The following ICA1 variants were observed in gnomAD, a reference collection of about 807,000 sequenced individuals.
ICA1 encodes islet cell autoantigen 1, also known as 69 kDa islet cell autoantigen.
In ICA1, 40 loss-of-function variants were observed where a neutral mutation model predicts 71.0. The observed-to-expected ratio is 0.56, with a 90% CI of 0.44 to 0.73. The LOEUF (loss-of-function observed/expected upper bound fraction) is 0.73. Ranked by LOEUF, ICA1 falls within the 30% of genes least tolerant of loss-of-function variation. The pLI is 0.00. For missense variants in ICA1, 578 were observed against 576.5 expected (o/e 1.00, Z -0.03); for synonymous variants, 207 against 209.5 (o/e 0.99, Z 0.10).
chr7:8,165,127 T>A lies in ICA1; in HGVS notation c.580-6475A>T, dbSNP rs567604646. Among the ~76,000 whole-genome samples the A allele has an allele frequency of 1.6e-4, 24 of 152,286 alleles. No individual in the cohort carries two copies. The South Asian group carries it at 4.8e-3, about 30-fold the overall frequency. ...CCAAAACAGAAGGTCAGATATTTATTTGGCTTCATTAAAAGAGGATCTTTT... is the reference window on the plus strand; with the variant it reads ...CCAAAACAGAAGGTCAGATATTTATATGGCTTCATTAAAAGAGGATCTTTT... On this transcript the variant is annotated intron_variant, in intron 6 of 13. Transcript: ENST00000402384.
At chr7:8,153,943 A>G (rs1800590148) in intron 8 of ICA1, among the ~76,000 whole-genome samples, 1 of 151,306 alleles carries the variant, frequency 6.6e-6, no homozygotes, top group African/African-American at 2.4e-5. Flanking sequence ...GAAACCACTT[A>G]GAAGATAGTT....
At chr7:8,236,420 A>C (rs1055633774) in intron 1 of ICA1, among the ~76,000 whole-genome samples, 2 of 152,188 alleles carry the variant, frequency 1.3e-5, no homozygotes, top group Non-Finnish European at 2.9e-5. Context: ...ATGTGATGTG[A>C]GAGAGATATA....
At chr7:8,156,771 C>T in intron 8 of ICA1, 1 of 1,431,966 alleles carries the variant, frequency 7.0e-7, no homozygotes, top group Non-Finnish European at 9.2e-7. Context: ...ACAATCTCCC[C>T]TTTAGCAATG....
rs780935406 is a variant in ICA1, at chr7:8,113,934, G to A, written c.1441C>T (p.Leu481Phe). The A allele has an allele frequency of 1.2e-6, 2 of 1,614,180 alleles. No homozygotes were observed. The highest frequency in any genetic ancestry group is 1.1e-5 in the South Asian group (1 of 91,088). The change falls in exon 14 of 14, where the codon CTC becomes TTC. Residue 481 changes from leucine to phenylalanine, a missense_variant. Transcript: ENST00000402384. The surrounding 1 kb of genome is among the most constrained non-coding windows in gnomAD (Gnocchi z 4.2). ...VGKTDKEHEL[L>F]NA is the part of the protein sequence containing the mutation. The stretch of plus-strand genomic sequence containing the variant: ...CGAAGGGTACAGATTCATGCATTGA[G>A]CAATTCGTGTTCTTTATCGGTTTTC...
chr7:8,166,279 C>T (rs1490599683), intron 6 of ICA1, among the ~76,000 whole-genome samples: 1 of 152,002 alleles, frequency 6.6e-6, no homozygotes, highest in African/African-American at 2.4e-5. Context: ...AAGCATGGAA[C>T]GGGTACAAAA....
intron 8 of ICA1, among the ~76,000 whole-genome samples, chr7:8,149,377 A>G (rs1798067934): frequency 3.9e-5 from 6 of 152,264 alleles, no homozygotes; most frequent in Admixed American, 3.9e-4. Context: ...TTCTCTGTTA[A>G]GGCTGCACTA....
chr7:8,226,978 T>A lies in ICA1; in HGVS notation c.256+1623A>T, dbSNP rs964460689. Among the ~76,000 whole-genome samples the A allele has an allele frequency of 6.6e-6, 1 of 152,238 alleles. No homozygotes were observed. Among genetic ancestry groups the A allele is most frequent in the Non-Finnish European group, 1.5e-5 (1 of 68,042 alleles). The stretch of plus-strand genomic sequence containing the variant: ...ACTATTTACAGGAAATATGCAAGCA[T>A]CCTTCTTTTCTTCCCTTGTTACAAT... On this transcript the variant is annotated intron_variant, in intron 4 of 13. Transcript: ENST00000402384. The surrounding 1 kb of genome is among the most constrained non-coding windows in gnomAD (Gnocchi z 4.4).
intron 8 of ICA1, among the ~76,000 whole-genome samples, chr7:8,153,501 T>A (rs1275057092): frequency 1.3e-5 from 2 of 152,118 alleles, no homozygotes; most frequent in Non-Finnish European, 2.9e-5. Context: ...GAGGTCTTTT[T>A]TTTTCCCCCT....
intron 6 of ICA1, among the ~76,000 whole-genome samples, chr7:8,204,098 G>A (rs1412388496): frequency 6.6e-6 from 1 of 152,166 alleles, no homozygotes; most frequent in Non-Finnish European, 1.5e-5. Context: ...CTCCTTAAGG[G>A]TGCTTGGAAC....
intron 13 of ICA1, among the ~76,000 whole-genome samples, chr7:8,127,524 T>C (rs976212735): frequency 5.3e-5 from 8 of 152,082 alleles, no homozygotes; most frequent in African/African-American, 1.7e-4. Flanking sequence ...GGCATGCTTA[T>C]GGGAACGTGG....
chr7:8,158,388 G>A, intron 7 of ICA1, 139 bp downstream of exon 7: 1 of 1,000,874 alleles, frequency 1.0e-6, no homozygotes, highest in Non-Finnish European at 1.5e-6. Context: ...CTAGAAGGCA[G>A]AGATGTGGGA....
intron 6 of ICA1, among the ~76,000 whole-genome samples, chr7:8,184,239 A>T (rs1427729146): frequency 2.6e-5 from 4 of 152,320 alleles, no homozygotes; most frequent in Non-Finnish European, 2.9e-5. Context: ...CCTATGGAAA[A>T]TGCCCCTCTC....
At position 8,234,485 on chromosome 7, in the gene ICA1, G is replaced by A. The variant is rs1353998507; in HGVS notation, c.17+1425C>T. 1.4e-5 allele frequency among the ~76,000 whole-genome samples: 2 copies of A among 145,882 alleles called. No homozygotes were observed. Among genetic ancestry groups the A allele is most frequent in the Non-Finnish European group, 3.1e-5 (2 of 65,428 alleles). On this transcript the variant is annotated intron_variant, in intron 2 of 13. Transcript: ENST00000402384. The surrounding 1 kb of genome is among the most constrained non-coding windows in gnomAD (Gnocchi z 4.5). The stretch of plus-strand genomic sequence containing the variant: ...ACCACCCAAAATGTGCCAGGCTTGT[G>A]CTGAAACGTGAGTTTGTTTATATGA...
chr7:8,170,636 T>G (rs1161811271), intron 6 of ICA1, among the ~76,000 whole-genome samples: 1 of 152,026 alleles, frequency 6.6e-6, no homozygotes, highest in Non-Finnish European at 1.5e-5. Context: ...ACTAGAAATA[T>G]AATTAATTTT....
At chr7:8,189,996 G>A (rs1460205801) in intron 6 of ICA1, among the ~76,000 whole-genome samples, 2 of 152,182 alleles carry the variant, frequency 1.3e-5, no homozygotes, top group African/African-American at 2.4e-5. Context: ...TTGGAGGGAC[G>A]GGCTCAGGAG....
At chr7:8,134,531 T>C (rs1792655862) in intron 12 of ICA1, among the ~76,000 whole-genome samples, 1 of 152,176 alleles carries the variant, frequency 6.6e-6, no homozygotes, top group Non-Finnish European at 1.5e-5. Context: ...ACTCCATCTC[T>C]CTGGTTTTCT....
chr7:8,127,888 G>GT lies in ICA1; in HGVS notation c.1314dup (p.Gln439ThrfsTer9). 6.2e-7 allele frequency: 1 copy of GT among 1,613,938 alleles called. No individual in the cohort carries two copies. The stretch of plus-strand genomic sequence containing the variant: ...CCTTACCTACCTTGTAGCGAGGCCT[G>GT]TAAGTCTTTCATATTTTGGTCTAAA... On this transcript the variant is annotated frameshift_variant, in exon 13 of 14. Coordinates refer to ENST00000402384, the MANE Select transcript of ICA1 (RefSeq NM_001136020.3). LOFTEE classifies it high-confidence loss of function.
chr7:8,161,996 G>A lies in ICA1; in HGVS notation c.580-3344C>T, dbSNP rs557669689. On this transcript the variant is annotated intron_variant, in intron 6 of 13. Coordinates refer to ENST00000402384, the MANE Select transcript of ICA1 (RefSeq NM_001136020.3). Reference sequence around the variant, plus strand: ...GGTGGGTCTTAGGCATGACTAGGAGGTACAAAGTAAATATAAGGTATTCGT... The same window carrying A: ...GGTGGGTCTTAGGCATGACTAGGAGATACAAAGTAAATATAAGGTATTCGT... Among the ~76,000 whole-genome samples, 7 of 152,286 alleles carry A rather than the reference G, an allele frequency of 4.6e-5. No homozygotes were observed. The South Asian group carries it at 1.5e-3, about 32-fold the overall frequency.
chr7:8,221,148 A>G, intron 5 of ICA1, 127 bp downstream of exon 5: 1 of 1,050,530 alleles, frequency 9.5e-7, no homozygotes, highest in East Asian at 2.5e-5. Flanking sequence ...ACTAGTGAGT[A>G]CAGAGCAGCT....
Sources: gnomAD v4.1 joint callset for allele counts (sites outside exome capture counted in the v4.1 genomes callset) on GRCh38, gnomAD v4.1.1 for gene constraint, Gnocchi (gnomAD v3.1) non-coding constraint, MANE v1.5 for transcripts, NCBI Gene and HGNC (gene_info 2026-07-23, HGNC 2026-07-21) for gene names.